Variants in MINDY4 observed in about 807,000 individuals in gnomAD.
The protein encoded by MINDY4 is MINDY lysine 48 deubiquitinase 4.
A neutral mutation model predicts 87.0 loss-of-function variants in MINDY4; 68 were observed. That is an observed-to-expected ratio of 0.78 (90% CI 0.64 to 0.96). MINDY4 has a LOEUF of 0.96. Ranked by LOEUF, MINDY4 falls within the 40% of genes least tolerant of loss-of-function variation. The pLI is 0.00. For missense variants in MINDY4, 919 were observed against 928.2 expected, an observed-to-expected ratio of 0.99 and a Z score of 0.13; for synonymous variants, 379 against 363.2, an observed-to-expected ratio of 1.04 and a Z score of -0.50.
At chr7:30,881,739 A>G (rs1790467720) in intron 15 of MINDY4, among the ~76,000 whole-genome samples, 1 of 152,180 alleles carries the variant, frequency 6.6e-6, no homozygotes, top group South Asian at 2.1e-4. Flanking sequence ...AGGCTGTCCA[A>G]CGGTAAGCAA....
Position 30,797,358 on chromosome 7 carries a change from A to G in MINDY4, c.1073+5784A>G, listed in dbSNP as rs528849400. 3.9e-5 allele frequency among the ~76,000 whole-genome samples: 6 copies of G among 152,358 alleles called. No individual in the cohort carries two copies. In the East Asian group the frequency reaches 9.6e-4, roughly 24 times the overall value. On this transcript the variant is annotated intron_variant, in intron 5 of 17. Coordinates refer to ENST00000265299, the MANE Select transcript of MINDY4 (RefSeq NM_032222.3). ...CAAGTGCTAAGGGGAAAAATAAATCATGGAAGAGTGACAGGGAGCCCTGGG... is the reference window on the plus strand; with the variant it reads ...CAAGTGCTAAGGGGAAAAATAAATCGTGGAAGAGTGACAGGGAGCCCTGGG...
Position 30,872,408 on chromosome 7 carries a change from T to C in MINDY4, c.1809+102T>C, listed in dbSNP as rs3801325. 2.3e-4 allele frequency: 253 copies of C among 1,107,256 alleles called. 2 individuals carry two copies. The East Asian group carries it at 5.2e-3, about 23-fold the overall frequency. 68.6% of individuals were successfully genotyped at this position (1,107,256 alleles called of 1,614,324 possible). A position where few individuals can be genotyped will look rare whatever the true frequency, so the allele number is the denominator to read the frequency against. Reference sequence around the variant, plus strand: ...CTCTTGCCCCAGAAAAAGACAAGTCTTTCTTGCCTCTGCCAACACTCTTCA... The same window carrying C: ...CTCTTGCCCCAGAAAAAGACAAGTCCTTCTTGCCTCTGCCAACACTCTTCA... On this transcript the variant is annotated intron_variant, in intron 14 of 17. Transcript: ENST00000265299.
intron 5 of MINDY4, among the ~76,000 whole-genome samples, chr7:30,806,461 A>G (rs73300075): frequency 4.9e-4 from 74 of 149,824 alleles, no homozygotes; most frequent in African/African-American, 1.7e-3. Flanking sequence ...CACTCTAGCT[A>G]TTTGGTTAGC....
chr7:30,864,667 A>G (rs1789873026), intron 13 of MINDY4, among the ~76,000 whole-genome samples: 2 of 152,256 alleles, frequency 1.3e-5, no homozygotes, highest in Non-Finnish European at 2.9e-5. Context: ...GGGCTGCACC[A>G]TCACATATAT....
At chr7:30,810,107 C>T (rs1314731706) in intron 5 of MINDY4, among the ~76,000 whole-genome samples, 10 of 125,886 alleles carry the variant, frequency 7.9e-5, no homozygotes, top group East Asian at 5.1e-4. Flanking sequence ...ACCTGGGAGG[C>T]GGAGGTTGTG....
chr7:30,884,403 T>C (rs1790568724), intron 17 of MINDY4, among the ~76,000 whole-genome samples: 1 of 152,214 alleles, frequency 6.6e-6, no homozygotes, highest in Non-Finnish European at 1.5e-5. Context: ...TAAGGGCACC[T>C]GCAGGTCGCT....
At chr7:30,828,612 A>G (rs1453648759) in intron 5 of MINDY4, 67 bp from the exon 6 acceptor site, 1 of 1,525,772 alleles carries the variant, frequency 6.6e-7, no homozygotes, top group Non-Finnish European at 9.1e-7. Context: ...CGCTCTTAAC[A>G]GTCTTCTCTG....
intron 5 of MINDY4, among the ~76,000 whole-genome samples, chr7:30,792,747 CTCTT>C (rs199886553): frequency 0.069 from 10,428 of 152,076 alleles, 484 homozygotes; most frequent in Middle Eastern, 0.13. Context: ...TGTTCTTTCT[CTCTT>C]AACTAGTCTC....
chr7:30,846,235 A>G (rs1789212999), intron 9 of MINDY4, among the ~76,000 whole-genome samples: 1 of 152,184 alleles, frequency 6.6e-6, no homozygotes, highest in Non-Finnish European at 1.5e-5. Context: ...GGGAGCAGAC[A>G]GGGAGCTCCC....
intron 13 of MINDY4, among the ~76,000 whole-genome samples, chr7:30,864,434 A>G (rs548952532): frequency 1.3e-5 from 2 of 152,260 alleles, no homozygotes; most frequent in African/African-American, 2.4e-5. Context: ...ACTGATTCCT[A>G]TCAGAAGCCC....
chr7:30,815,286 A>T (rs1165923256), intron 5 of MINDY4, among the ~76,000 whole-genome samples: 1 of 152,184 alleles, frequency 6.6e-6, no homozygotes. Context: ...TGTAGAGGCA[A>T]TCCTTTCCAT....
rs892956923 is a variant in MINDY4, at chr7:30,788,811, C to T, written c.664-2354C>T. 5.3e-5 allele frequency among the ~76,000 whole-genome samples: 8 copies of T among 152,288 alleles called. No individual in the cohort carries two copies. The Middle Eastern group carries it at 0.01, about 194-fold the overall frequency. ...CCTCCACGGTCAGCGGAATGCCTGCCGTGTCCCTCCCACTGTGTCACTCAG... is the reference window on the plus strand; with the variant it reads ...CCTCCACGGTCAGCGGAATGCCTGCTGTGTCCCTCCCACTGTGTCACTCAG... On this transcript the variant is annotated intron_variant, in intron 4 of 17. Coordinates refer to ENST00000265299, the MANE Select transcript of MINDY4 (RefSeq NM_032222.3).
chr7:30,784,020 C>T (rs1160497476), intron 3 of MINDY4, among the ~76,000 whole-genome samples: 1 of 152,148 alleles, frequency 6.6e-6, no homozygotes, highest in African/African-American at 2.4e-5. Flanking sequence ...TGGGTGCTTT[C>T]TTCTGGTTCC....
rs371640198 is a variant in MINDY4 at position 30,828,697 on chromosome 7, G to A, written c.1092G>A (p.Pro364=). 1.0e-4 allele frequency: 166 copies of A among 1,613,722 alleles called. No individual in the cohort carries two copies. The highest frequency in any genetic ancestry group is 1.5e-4 in the Admixed American group (9 of 60,002). ...PAPVRKNQLL[P]SDKVDGELGA... is the part of the protein sequence containing the mutation. ...TTTCCAGGAAAAATCAGTTGCTGCCGTCTGACAAGGTGGATGGTGAGCTGG... is the reference window on the plus strand; with the variant it reads ...TTTCCAGGAAAAATCAGTTGCTGCCATCTGACAAGGTGGATGGTGAGCTGG... Residue 364 remains proline (P), a synonymous_variant, in exon 6 of 18, where the codon CCG becomes CCA. Coordinates refer to ENST00000265299, the MANE Select transcript of MINDY4 (RefSeq NM_032222.3).
At chr7:30,780,230 C>T (rs1351946038) in intron 2 of MINDY4, 2 of 152,198 alleles carry the variant, frequency 1.3e-5, no homozygotes, top group East Asian at 3.9e-4. Flanking sequence ...GCTCTGCAAT[C>T]CTCCGTCTGC....
chr7:30,792,003 G>A (rs1031613439), intron 5 of MINDY4, among the ~76,000 whole-genome samples: 1 of 152,234 alleles, frequency 6.6e-6, no homozygotes, highest in Non-Finnish European at 1.5e-5. Context: ...TGCTTTAGCA[G>A]ATGGTCCCAA....
intron 13 of MINDY4, among the ~76,000 whole-genome samples, chr7:30,862,216 C>G (rs573958195): frequency 2.0e-5 from 3 of 152,176 alleles, no homozygotes; most frequent in Admixed American, 2.0e-4. Context: ...CCTCCTACCC[C>G]ACCTGGAGCC....
At position 30,785,887 on chromosome 7, in the gene MINDY4, C is replaced by T; in HGVS notation, c.558C>T (p.His186=). The change falls in exon 4 of 18, where the codon CAC becomes CAT. Residue 186 remains histidine, a synonymous_variant. Transcript: ENST00000265299. ...TSAWEKIDKL[H]SEPSLDVKRM... ...CATGGGAGAAGATAGACAAGCTTCA[C>T]TCGGAGCCTTCCTTGGATGTGAAGA... 2 of 1,614,208 alleles carry T rather than the reference C, an allele frequency of 1.2e-6. No homozygotes were observed. The highest frequency in any genetic ancestry group is 1.7e-6 in the Non-Finnish European group (2 of 1,180,044).
At chr7:30,774,943 C>A (rs1223478688) in intron 1 of MINDY4, among the ~76,000 whole-genome samples, 1 of 152,068 alleles carries the variant, frequency 6.6e-6, no homozygotes, top group Admixed American at 6.5e-5. Context: ...TCCCAAATGT[C>A]TATCTCTAGC....
Sources: gnomAD v4.1 joint callset for allele counts (sites outside exome capture counted in the v4.1 genomes callset) on GRCh38, gnomAD v4.1.1 for gene constraint, MANE v1.5 for transcripts, NCBI Gene and HGNC (gene_info 2026-07-23, HGNC 2026-07-21) for gene names.